Variants in CDAN1 observed in about 807,000 individuals in gnomAD.
CDAN1 encodes the protein codanin 1.
In CDAN1, 107 loss-of-function variants were observed where a neutral mutation model predicts 139.8. The observed-to-expected ratio is 0.77, with a 90% CI of 0.65 to 0.90. The LOEUF (loss-of-function observed/expected upper bound fraction) is 0.90. CDAN1 is among the 40% of genes least tolerant of loss of function. The pLI is 0.00. For synonymous variants in CDAN1, 776 were observed against 660.6 expected (o/e 1.17, Z -2.68); for missense variants, 1,667 against 1,575.7 (o/e 1.06, Z -0.98).
In CDAN1 at chr15:42,729,337, C is replaced by T. The variant is rs766040108; in HGVS notation, c.2433G>A (p.Ser811=). The T allele has an allele frequency of 1.3e-4, 213 of 1,614,060 alleles. No individual in the cohort carries two copies. The highest frequency in any genetic ancestry group is 1.6e-4 in the Non-Finnish European group (189 of 1,180,046). The part of the protein sequence containing the change: ...YIGELRKLLA[S]WVSGSSGRSG... ...TCCGTCCACTACTGCCTGACACCCACGAAGCGAGCAGTTTCCGGAGCTCTC... is the reference window on the plus strand; with the variant it reads ...TCCGTCCACTACTGCCTGACACCCATGAAGCGAGCAGTTTCCGGAGCTCTC... Residue 811 remains serine (S), a synonymous_variant, in exon 18 of 28, where the codon TCG becomes TCA. Transcript: ENST00000356231.
chr15:42,736,973 C>G, intron 1 of CDAN1, 40 bp downstream of exon 1: 2 of 1,528,524 alleles, frequency 1.3e-6, no homozygotes, highest in Non-Finnish European at 1.8e-6. Context: ...CTGCGGGAAC[C>G]GGCTTCGAGT....
intron 27 of CDAN1, 187 bp from the exon 28 acceptor site, chr15:42,724,803 G>A (rs565514030): frequency 1.1e-4 from 80 of 740,888 alleles, no homozygotes; most frequent in African/African-American, 6.2e-4. Flanking sequence ...GGCAGGGAGC[G>A]AACTCTGATG....
rs1476752342 is a variant in CDAN1, at chr15:42,735,311, C to G, written c.1007G>C (p.Arg336Thr). ...FFVFQLLTAR[R>T]MVTAKDSDPE... ...GTCGCTGTCCTTGGCAGTCACCATC[C>G]TCCGGGCAGTGAGGAGCTGAAAGAC... Residue 336 changes from arginine to threonine, a missense_variant, in exon 5 of 28, where the codon AGG becomes ACG. Around this residue, in one of 3 missense-constraint regions of CDAN1, gnomAD observed 244 missense variants for 309.4 expected, o/e 0.79. Coordinates refer to ENST00000356231, the MANE Select transcript of CDAN1 (RefSeq NM_138477.4). The G allele has an allele frequency of 3.7e-6, 6 of 1,610,680 alleles. No individual in the cohort carries two copies. Among genetic ancestry groups the G allele is most frequent in the Non-Finnish European group, 5.1e-6 (6 of 1,178,360 alleles).
At chr15:42,726,181 A>G (rs1478109190) in intron 24 of CDAN1, 21 bp from the exon 25 acceptor site, 4 of 1,613,250 alleles carry the variant, frequency 2.5e-6, no homozygotes, top group East Asian at 2.2e-5. Flanking sequence ...GGTGGGGGGG[A>G]AAGAGAGACC....
Position 42,735,286 on chromosome 15 carries a change from G to A in CDAN1, c.1032C>T (p.Asp344=), listed in dbSNP as rs1023912347. ...CTAGGACAGCTGGACTTAGTTCAGG[G>A]TCGCTGTCCTTGGCAGTCACCATCC... ...ARRMVTAKDS[D]PELSPAVLDS... is the part of the protein sequence containing the mutation. The change falls in exon 5 of 28, where the codon GAC becomes GAT. Residue 344 remains aspartate, a synonymous_variant. Transcript: ENST00000356231. 23 of 1,609,136 alleles carry A rather than the reference G, an allele frequency of 1.4e-5. No homozygotes were observed. Among genetic ancestry groups the A allele is most frequent in the Non-Finnish European group, 2.0e-5 (23 of 1,177,568 alleles).
rs2061700681 is a variant in CDAN1, at chr15:42,737,032, C to T, written c.71G>A (p.Arg24His). The part of the protein sequence containing the change: ...SVAAVVRWIA[R>H]STQGSEDNAG... ...TGTTACCTCCGAACCCTGGGTGCTG[C>T]GCGCGATCCACCGCACGACGGCTGC... Residue 24 changes from arginine to histidine, a missense_variant, in exon 1 of 28, where the codon CGC becomes CAC. Physicochemically the swap from Arg to His is conservative, Grantham distance 29 (BLOSUM62 0). Around this residue, in one of 3 missense-constraint regions of CDAN1, gnomAD observed 487 missense variants for 422.2 expected, o/e 1.15. Coordinates refer to ENST00000356231, the MANE Select transcript of CDAN1 (RefSeq NM_138477.4). 3 of 1,547,978 alleles carry T rather than the reference C, an allele frequency of 1.9e-6. No homozygotes were observed. Among genetic ancestry groups the T allele is most frequent in the African/African-American group, 2.8e-5 (2 of 72,574 alleles).
At position 42,729,096 on chromosome 15, in the gene CDAN1, G is replaced by A; in HGVS notation, c.2572C>T (p.Gln858Ter). 1 of 1,614,220 alleles carries A rather than the reference G, an allele frequency of 6.2e-7. No individual in the cohort carries two copies. The highest frequency in any genetic ancestry group is 8.5e-7 in the Non-Finnish European group (1 of 1,180,048). The change falls in exon 19 of 28, where the codon CAG (glutamine) becomes TAG (stop). Residue 858 changes from glutamine to a stop codon, truncating the protein, a stop_gained. Coordinates refer to ENST00000356231, the MANE Select transcript of CDAN1 (RefSeq NM_138477.4). LOFTEE classifies it high-confidence loss of function. ...ACGGTCCGGCGCAAGGAGGGCGGCT[G>A]GTTGTGGAAAAAGGCCTGGGCGAGC... ...AQLAQAFFHN[Q>*]PPSLRRTVEF...
At chr15:42,732,234 C>T (rs2140492170) in intron 10 of CDAN1, 99 bp downstream of exon 10, 2 of 1,138,304 alleles carry the variant, frequency 1.8e-6, no homozygotes, top group Admixed American at 1.7e-5. Context: ...CAGCCCAGGA[C>T]CTGCCAGGCT....
At chr15:42,730,038 A>T in intron 15 of CDAN1, 90 bp downstream of exon 15, 1 of 1,365,918 alleles carries the variant, frequency 7.3e-7, no homozygotes, top group Non-Finnish European at 1.0e-6. Context: ...TTCGTCTTCC[A>T]GCCCTTGCCT....
intron 20 of CDAN1, 123 bp from the exon 21 acceptor site, chr15:42,728,390 C>T: frequency 2.9e-6 from 2 of 701,444 alleles, no homozygotes; most frequent in Non-Finnish European, 4.8e-6. Context: ...GCACCGTTTG[C>T]CCTCCCGCCC....
In CDAN1 at chr15:42,728,771, T is replaced by G. The variant is rs1375440373; in HGVS notation, c.2685A>C (p.Ser895=). 6.2e-7 allele frequency: 1 copy of G among 1,614,126 alleles called. No homozygotes were observed. Among genetic ancestry groups the G allele is most frequent in the Admixed American group, 1.7e-5 (1 of 60,028 alleles). The change falls in exon 20 of 28, where the codon TCA becomes TCC. Residue 895 remains serine, a synonymous_variant. Transcript: ENST00000356231. ...GTGTCACCAGCTGCTCTTGGAGAAGTGACTCTGCCTGGCGCACCAGATCTG... is the reference window on the plus strand; with the variant it reads ...GTGTCACCAGCTGCTCTTGGAGAAGGGACTCTGCCTGGCGCACCAGATCTG... ...LVADLVRQAE[S]LLQEQLVTQG...
chr15:42,728,583 T>C lies in CDAN1; in HGVS notation c.2804+69A>G, dbSNP rs183816495. 5.1e-5 allele frequency: 81 copies of C among 1,584,562 alleles called. No individual in the cohort carries two copies. In the African/African-American group the frequency reaches 1.0e-3, roughly 20 times the overall value. On this transcript the variant is annotated intron_variant, in intron 20 of 27. Coordinates refer to ENST00000356231, the MANE Select transcript of CDAN1 (RefSeq NM_138477.4). ...GAGAAGAAAGGGAAAAAAGAGTAAG[T>C]GTGAAGGAGGAAAGAAAGGACAGAG...
Position 42,724,250 on chromosome 15 carries a change from C to T in CDAN1, c.*241G>A, listed in dbSNP as rs1254825194. Reference sequence around the variant, plus strand: ...TCCAAGAGATAAACAAACACCACCTCTTCTACTCCAGGACTGGCATCTCTG... The same window carrying T: ...TCCAAGAGATAAACAAACACCACCTTTTCTACTCCAGGACTGGCATCTCTG... On this transcript the variant is annotated 3_prime_UTR_variant, in exon 28 of 28. Coordinates refer to ENST00000356231, the MANE Select transcript of CDAN1 (RefSeq NM_138477.4). 7 of 525,330 alleles carry T rather than the reference C, an allele frequency of 1.3e-5. No homozygotes were observed. The highest frequency in any genetic ancestry group is 9.2e-5 in the Admixed American group (3 of 32,610). 32.5% of individuals were successfully genotyped at this position (525,330 alleles called of 1,614,324 possible).
intron 20 of CDAN1, 93 bp downstream of exon 20, chr15:42,728,559 A>AGAAGAAAGG: frequency 6.5e-7 from 1 of 1,532,328 alleles, no homozygotes; most frequent in Non-Finnish European, 9.0e-7. Flanking sequence ...AGGCATGAAG[A>AGAAGAAAGG]GAAGAAAGGG....
chr15:42,736,739 G>T lies in CDAN1; in HGVS notation c.132C>A (p.Ala44=). 6.4e-7 allele frequency: 1 copy of T among 1,557,342 alleles called. No individual in the cohort carries two copies. Among genetic ancestry groups the T allele is most frequent in the Non-Finnish European group, 8.6e-7 (1 of 1,156,298 alleles). The change falls in exon 2 of 28, where the codon GCC becomes GCA. Residue 44 remains alanine, a synonymous_variant. Coordinates refer to ENST00000356231, the MANE Select transcript of CDAN1 (RefSeq NM_138477.4). ...GEAAALSSLR[A]LRKEFVPFLL... is the part of the protein sequence containing the mutation. ...GGAACGGTACGAATTCTTTCCGCAG[G>T]GCCCGGAGTGAGCTCAGCGCGGCCG...
At position 42,736,283 on chromosome 15, in the gene CDAN1, C is replaced by G; in HGVS notation, c.569+19G>C. 1 of 1,613,226 alleles carries G rather than the reference C, an allele frequency of 6.2e-7. No individual in the cohort carries two copies. The highest frequency in any genetic ancestry group is 8.5e-7 in the Non-Finnish European group (1 of 1,179,916). On this transcript the variant is annotated intron_variant, in intron 2 of 27. Coordinates refer to ENST00000356231, the MANE Select transcript of CDAN1 (RefSeq NM_138477.4). Reference sequence around the variant, plus strand: ...GAGCCTTCGTGGTACCCATCTCCTGCATGAGAGCTGAGTCTCACCCTGTAG... The same window carrying G: ...GAGCCTTCGTGGTACCCATCTCCTGGATGAGAGCTGAGTCTCACCCTGTAG...
chr15:42,730,457 T>C (rs1414923949), intron 14 of CDAN1, 141 bp downstream of exon 14: 1 of 1,023,508 alleles, frequency 9.8e-7, no homozygotes, highest in East Asian at 2.6e-5. Context: ...GGGGAGCCAA[T>C]CGTGCCTCTC....
At position 42,736,260 on chromosome 15, in the gene CDAN1, G is replaced by T. The variant is rs757393250; in HGVS notation, c.569+42C>A. 22 of 1,611,312 alleles carry T rather than the reference G, an allele frequency of 1.4e-5. No individual in the cohort carries two copies. In the East Asian group the frequency reaches 4.5e-4, roughly 33 times the overall value. The stretch of plus-strand genomic sequence containing the variant: ...GAGCTCGAATGACTGACTCCCCAGA[G>T]CCTTCGTGGTACCCATCTCCTGCAT... On this transcript the variant is annotated intron_variant, in intron 2 of 27. Transcript: ENST00000356231.
intron 27 of CDAN1, 36 bp from the exon 28 acceptor site, chr15:42,724,652 T>A (rs1212644709): frequency 1.3e-6 from 2 of 1,550,304 alleles, no homozygotes; most frequent in Non-Finnish European, 1.7e-6. Flanking sequence ...AAAGGCAGCA[T>A]GTAATAATTC....
Sources: gnomAD v4.1 joint callset for allele counts on GRCh38, gnomAD v4.1.1 for gene constraint, gnomAD v4.1.1 regional missense constraint, MANE v1.5 for transcripts, NCBI Gene and HGNC (gene_info 2026-07-23, HGNC 2026-07-21) for gene names.